HHAT: variants seen among roughly 807,000 people sequenced by gnomAD.
HHAT encodes hedgehog acyltransferase.
HHAT carries 47 observed loss-of-function variants against 70.8 expected under a neutral mutation model. The observed-to-expected ratio is 0.66, with a 90% CI of 0.53 to 0.85. The LOEUF is 0.85. Ranked by LOEUF, HHAT falls within the 40% of genes least tolerant of loss-of-function variation. The pLI is 0.00. For synonymous variants in HHAT, 228 were observed against 247.6 expected, an observed-to-expected ratio of 0.92 and a Z score of 0.74; for missense variants, 609 against 604.8, an observed-to-expected ratio of 1.01 and a Z score of -0.07.
In HHAT at chr1:210,400,514, G is replaced by T. The variant is rs1156840610; in HGVS notation, c.320G>T (p.Cys107Phe). 1 of 1,614,060 alleles carries T rather than the reference G, an allele frequency of 6.2e-7. No homozygotes were observed. Among genetic ancestry groups the T allele is most frequent in the Non-Finnish European group, 8.5e-7 (1 of 1,179,988 alleles). The part of the protein sequence containing the change: ...LMLYGMWACW[C>F]VLGTPGVAMV... Reference sequence around the variant, plus strand: ...CTCTATGGGATGTGGGCCTGCTGGTGTGTGCTGGGGACCCCTGGTGTGGCT... The same window carrying T: ...CTCTATGGGATGTGGGCCTGCTGGTTTGTGCTGGGGACCCCTGGTGTGGCT... The change falls in exon 5 of 12, where the codon TGT (cysteine) becomes TTT (phenylalanine). Residue 107 changes from cysteine (C) to phenylalanine (F), a missense_variant. Physicochemically the swap from Cys to Phe is radical, Grantham distance 205 (BLOSUM62 -2). Transcript: ENST00000261458.
intron 7 of HHAT, among the ~76,000 whole-genome samples, chr1:210,431,610 A>T (rs1037353150): frequency 6.6e-6 from 1 of 151,908 alleles, no homozygotes. Flanking sequence ...ATCTCACAAG[A>T]AGCATCTCCA....
intron 7 of HHAT, among the ~76,000 whole-genome samples, chr1:210,464,127 A>G (rs887291917): frequency 6.6e-6 from 1 of 152,160 alleles, no homozygotes; most frequent in African/African-American, 2.4e-5. Context: ...TATTCGGTCA[A>G]ATACTAGAAC....
intron 7 of HHAT, among the ~76,000 whole-genome samples, chr1:210,437,675 T>G (rs931405970): frequency 1.3e-5 from 2 of 151,966 alleles, no homozygotes; most frequent in South Asian, 2.1e-4. Context: ...ACCTTGTTAT[T>G]TAGACTGCCG....
chr1:210,477,972 C>G (rs890055967), intron 8 of HHAT, among the ~76,000 whole-genome samples: 1 of 152,160 alleles, frequency 6.6e-6, no homozygotes, highest in Admixed American at 6.5e-5. Context: ...CAGTAATTGT[C>G]ATAGCAATAT....
At position 210,418,218 on chromosome 1, in the gene HHAT, G is replaced by C. The variant is rs148639278; in HGVS notation, c.749G>C (p.Arg250Pro). The change falls in exon 7 of 12, where the codon CGC becomes CCC. Residue 250 changes from arginine (R) to proline (P), a missense_variant. Physicochemically the swap from Arg to Pro is moderately radical, Grantham distance 103. Transcript: ENST00000261458. Reference sequence around the variant, plus strand: ...TGTGTCCTGGCCCTGGGGCTGGGCCGCCTTCTTTGCTGGTGGTGGCTGGCC... The same window carrying C: ...TGTGTCCTGGCCCTGGGGCTGGGCCCCCTTCTTTGCTGGTGGTGGCTGGCC... Reference protein sequence around the residue: ...SLCVLALGLGRLLCWWWLAEL... With the variant: ...SLCVLALGLGPLLCWWWLAEL... The C allele has an allele frequency of 5.4e-5, 87 of 1,613,888 alleles. No homozygotes were observed. The highest frequency in any genetic ancestry group is 7.2e-5 in the Non-Finnish European group (85 of 1,179,940).
chr1:210,577,350 C>T (rs10746427), intron 9 of HHAT, among the ~76,000 whole-genome samples: 147,887 of 152,286 alleles, frequency 0.97, 71,955 homozygotes, highest in East Asian at 1. Flanking sequence ...GAAATAAATT[C>T]ATTCCGTACC....
intron 10 of HHAT, among the ~76,000 whole-genome samples, chr1:210,606,209 G>A (rs1177773961): frequency 2.0e-5 from 3 of 152,020 alleles, no homozygotes; most frequent in African/African-American, 4.8e-5. Flanking sequence ...TTTATGAAAT[G>A]TTAGCATCTT....
At position 210,337,905 on chromosome 1, in the gene HHAT, G is replaced by A. The variant is rs185390983; in HGVS notation, c.-44+8801G>A. On this transcript the variant is annotated intron_variant, in intron 1 of 11. Transcript: ENST00000261458. ...CCTGGTTGTCAGTAGAAGTTCATTCGTATTTGTTGAATGAAGACATGGGTC... is the reference window on the plus strand; with the variant it reads ...CCTGGTTGTCAGTAGAAGTTCATTCATATTTGTTGAATGAAGACATGGGTC... 1.4e-4 allele frequency among the ~76,000 whole-genome samples: 21 copies of A among 152,276 alleles called. No individual in the cohort carries two copies. The East Asian group carries it at 3.5e-3, about 25-fold the overall frequency.
chr1:210,645,957 C>T (rs1673967509), intron 11 of HHAT, among the ~76,000 whole-genome samples: 1 of 152,144 alleles, frequency 6.6e-6, no homozygotes, highest in African/African-American at 2.4e-5. Flanking sequence ...GGAGTTTAGC[C>T]TCCCTGTTGC....
chr1:210,478,219 G>A (rs922246286), intron 8 of HHAT, among the ~76,000 whole-genome samples: 1 of 152,156 alleles, frequency 6.6e-6, no homozygotes, highest in African/African-American at 2.4e-5. Context: ...GGTTTTATAT[G>A]TTATGTTTTT....
At position 210,622,901 on chromosome 1, in the gene HHAT, G is replaced by A. The variant is rs145574041; in HGVS notation, c.1246-625G>A. Among the ~76,000 whole-genome samples the A allele has an allele frequency of 2.0e-5, 3 of 152,310 alleles. No individual in the cohort carries two copies. The East Asian group carries it at 5.8e-4, about 29-fold the overall frequency. On this transcript the variant is annotated intron_variant, in intron 10 of 11. Coordinates refer to ENST00000261458, the MANE Select transcript of HHAT (RefSeq NM_018194.6). The stretch of plus-strand genomic sequence containing the variant: ...CAGTTTGAAGTTCTTGCACCTGTAG[G>A]TTTACATGCAGAAAGCAAGTGGAGG...
chr1:210,602,152 T>C (rs1267209641), intron 10 of HHAT, among the ~76,000 whole-genome samples: 1 of 152,000 alleles, frequency 6.6e-6, no homozygotes, highest in Admixed American at 6.6e-5. Flanking sequence ...ACGGTGGTGA[T>C]GCTACTCAGG....
chr1:210,643,758 C>G (rs1444356416), intron 11 of HHAT, among the ~76,000 whole-genome samples: 1 of 151,448 alleles, frequency 6.6e-6, no homozygotes, highest in Admixed American at 6.6e-5. Context: ...AAAGGAACAT[C>G]TTATTCAATT....
chr1:210,506,750 T>C (rs976160941), intron 8 of HHAT, among the ~76,000 whole-genome samples: 6 of 152,214 alleles, frequency 3.9e-5, no homozygotes, highest in African/African-American at 1.4e-4. Context: ...GCCTCTTCTA[T>C]GTGCAGTGTA....
At chr1:210,558,587 G>A (rs138066154) in intron 9 of HHAT, among the ~76,000 whole-genome samples, 1 of 152,340 alleles carries the variant, frequency 6.6e-6, no homozygotes, top group Non-Finnish European at 1.5e-5. Context: ...GGAAATTGAT[G>A]AGGTAACTTT....
intron 1 of HHAT, among the ~76,000 whole-genome samples, chr1:210,329,848 A>G (rs2084832834): frequency 6.6e-6 from 1 of 152,198 alleles, no homozygotes; most frequent in African/African-American, 2.4e-5. Context: ...CCCGGTTTCA[A>G]GCGATTCTCC....
At chr1:210,638,980 G>A (rs1672471439) in intron 11 of HHAT, among the ~76,000 whole-genome samples, 1 of 152,128 alleles carries the variant, frequency 6.6e-6, no homozygotes, top group Admixed American at 6.5e-5. Flanking sequence ...TATACTATGA[G>A]CCACTGAATT....
intron 9 of HHAT, among the ~76,000 whole-genome samples, chr1:210,535,451 GT>G (rs2095361790): frequency 2.0e-5 from 3 of 151,764 alleles, no homozygotes; most frequent in African/African-American, 4.8e-5. Flanking sequence ...GTGTGTGTGT[GT>G]GTGGGGTAAA....
chr1:210,525,820 A>G (rs1024013639), intron 9 of HHAT, among the ~76,000 whole-genome samples: 1 of 152,164 alleles, frequency 6.6e-6, no homozygotes, highest in Non-Finnish European at 1.5e-5. Flanking sequence ...TAAATGTAAA[A>G]AGCTCTGAGT....
Sources: gnomAD v4.1 joint callset for allele counts (sites outside exome capture counted in the v4.1 genomes callset) on GRCh38, gnomAD v4.1.1 for gene constraint, MANE v1.5 for transcripts, NCBI Gene and HGNC (gene_info 2026-07-23, HGNC 2026-07-21) for gene names.